The following IER3IP1 variants were observed in gnomAD, a reference collection of about 807,000 sequenced individuals.
The protein encoded by IER3IP1 is immediate early response 3 interacting protein 1.
Under a neutral mutation model 12.2 loss-of-function variants are expected in IER3IP1, and 16 were observed. That is an observed-to-expected ratio of 1.31 (90% CI 0.89 to 1.99). IER3IP1 has a LOEUF of 1.99. Among genes scored for constraint, IER3IP1 ranks in the 30% most tolerant of loss-of-function variants. The pLI, the probability that IER3IP1 is intolerant of heterozygous loss-of-function variation, is 0.00. For synonymous variants in IER3IP1, 42 were observed against 40.0 expected (o/e 1.05, Z -0.19); for missense variants, 95 against 95.8 (o/e 0.99, Z 0.03).
intron 1 of IER3IP1, among the ~76,000 whole-genome samples, chr18:47,164,237 A>C (rs1470044211): frequency 6.6e-6 from 1 of 152,146 alleles, no homozygotes; most frequent in Non-Finnish European, 1.5e-5. Flanking sequence ...ATAGTAAGTT[A>C]GTTAATTGCA....
intron 1 of IER3IP1, among the ~76,000 whole-genome samples, chr18:47,171,879 G>A (rs2064016649): frequency 6.6e-6 from 1 of 151,914 alleles, no homozygotes; most frequent in South Asian, 2.1e-4. Context: ...TCCAACCTCC[G>A]CTTCCTGGGT....
intron 1 of IER3IP1, among the ~76,000 whole-genome samples, chr18:47,169,513 T>C (rs982656537): frequency 3.5e-4 from 54 of 152,292 alleles, no homozygotes; most frequent in East Asian, 1.7e-3. Flanking sequence ...TGAACCATTT[T>C]ACATTCTCTT....
chr18:47,155,150 A>G lies in IER3IP1; in HGVS notation c.*1027T>C, dbSNP rs966398173. On this transcript the variant is annotated 3_prime_UTR_variant, in exon 3 of 3. Coordinates refer to ENST00000256433, the MANE Select transcript of IER3IP1 (RefSeq NM_016097.5). ...TAATTTCCATAAAAACCATTTACAT[A>G]GTTTCAACCTTTCTGCATAAAACTG... 4 of 152,246 alleles carry G rather than the reference A, an allele frequency of 2.6e-5. No individual in the cohort carries two copies. The highest frequency in any genetic ancestry group is 2.1e-4 in the South Asian group (1 of 4,838). 9.4% of individuals were successfully genotyped at this position (152,246 alleles called of 1,614,324 possible).
At chr18:47,160,931 C>T (rs1200927592) in intron 1 of IER3IP1, among the ~76,000 whole-genome samples, 1 of 152,140 alleles carries the variant, frequency 6.6e-6, no homozygotes, top group African/African-American at 2.4e-5. Flanking sequence ...TGTTATTCTC[C>T]TATGATACTA....
chr18:47,173,196 C>G (rs2064020600), intron 1 of IER3IP1, among the ~76,000 whole-genome samples: 1 of 152,174 alleles, frequency 6.6e-6, no homozygotes, highest in Non-Finnish European at 1.5e-5. Flanking sequence ...CACCTTCTTA[C>G]CTAGCACCAT....
intron 1 of IER3IP1, among the ~76,000 whole-genome samples, chr18:47,161,356 C>T (rs143801381): frequency 2.7e-3 from 416 of 152,310 alleles, no homozygotes; most frequent in South Asian, 0.012. Flanking sequence ...CTGCTTATAG[C>T]GCTTCCAGTC....
chr18:47,174,053 C>T (rs1193376064), intron 1 of IER3IP1, among the ~76,000 whole-genome samples: 1 of 152,196 alleles, frequency 6.6e-6, no homozygotes, highest in Non-Finnish European at 1.5e-5. Context: ...AACAAGGTCA[C>T]CTTCATAGGT....
Position 47,154,800 on chromosome 18 carries a change from T to TG in IER3IP1, c.*1376dup, listed in dbSNP as rs575630048. The TG allele has an allele frequency of 2.3e-4, 35 of 152,320 alleles. No homozygotes were observed. The highest frequency in any genetic ancestry group is 7.9e-4 in the African/African-American group (33 of 41,576). 9.4% of individuals were successfully genotyped at this position (152,320 alleles called of 1,614,324 possible). On this transcript the variant is annotated 3_prime_UTR_variant, in exon 3 of 3. Transcript: ENST00000256433. Reference sequence around the variant, plus strand: ...GAAAGGCCAAAAGGTACTTAATACCTGCTCCATAGTTTTAGAAGTAACTGA... The same window carrying TG: ...GAAAGGCCAAAAGGTACTTAATACCTGGCTCCATAGTTTTAGAAGTAACTGA...
At position 47,154,284 on chromosome 18, in the gene IER3IP1, C is replaced by G. The variant is rs1392387596; in HGVS notation, c.*1893G>C. On this transcript the variant is annotated 3_prime_UTR_variant, in exon 3 of 3. Transcript: ENST00000256433. ...GGCTGACCAGTGAAAGCTTACAGAC[C>G]CCTCTTCAGCCACAAACTGGAATTA... 1 of 152,138 alleles carries G rather than the reference C, an allele frequency of 6.6e-6. No individual in the cohort carries two copies. Among genetic ancestry groups the G allele is most frequent in the African/African-American group, 2.4e-5 (1 of 41,414 alleles). The allele number at this position is 152,138 out of a possible 1,614,324, so 9.4% of individuals were successfully genotyped here. A position where few individuals can be genotyped will look rare whatever the true frequency, so the allele number is the denominator to read the frequency against.
intron 1 of IER3IP1, among the ~76,000 whole-genome samples, chr18:47,164,793 A>C (rs1383964118): frequency 4.0e-5 from 6 of 148,824 alleles, no homozygotes; most frequent in African/African-American, 7.5e-5. Flanking sequence ...AAAAAAAACA[A>C]GAGAGAGAGA....
intron 2 of IER3IP1, chr18:47,156,815 CAG>C (rs2063961646): frequency 1.2e-5 from 1 of 84,036 alleles, no homozygotes; most frequent in Non-Finnish European, 2.2e-5. Context: ...TTTTTTGAGA[CAG>C]AGTTTTGCTC....
chr18:47,157,315 C>A, intron 2 of IER3IP1, 121 bp downstream of exon 2: 5 of 762,710 alleles, frequency 6.6e-6, no homozygotes, highest in South Asian at 3.3e-5. Flanking sequence ...GCAGCAAAGC[C>A]ATGTTAAAGA....
chr18:47,157,724 CCCT>C (rs2063966117), intron 1 of IER3IP1, among the ~76,000 whole-genome samples, 187 bp from the exon 2 acceptor site: 1 of 152,178 alleles, frequency 6.6e-6, no homozygotes, highest in African/African-American at 2.4e-5. Flanking sequence ...AGCAGCAACA[CCCT>C]CATTTCACTA....
rs2064018803 is a variant in IER3IP1 at position 47,172,535 on chromosome 18, A to AT, written c.91+3651dup. Among the ~76,000 whole-genome samples, 1 of 152,122 alleles carries AT rather than the reference A, an allele frequency of 6.6e-6. No homozygotes were observed. Among genetic ancestry groups the AT allele is most frequent in the Non-Finnish European group, 1.5e-5 (1 of 68,040 alleles). ...GAAACAGAAGATAGTACCCAACCGTATATGTAGTGTATTTTTTTCAATCTG... is the reference window on the plus strand; with the variant it reads ...GAAACAGAAGATAGTACCCAACCGTATTATGTAGTGTATTTTTTTCAATCTG... On this transcript the variant is annotated intron_variant, in intron 1 of 2. Coordinates refer to ENST00000256433, the MANE Select transcript of IER3IP1 (RefSeq NM_016097.5). This position sits in a 1 kb window ranked among gnomAD's most constrained non-coding sequence, Gnocchi z 4.0.
At chr18:47,169,717 A>G (rs1277050514) in intron 1 of IER3IP1, among the ~76,000 whole-genome samples, 1 of 152,094 alleles carries the variant, frequency 6.6e-6, no homozygotes, top group Non-Finnish European at 1.5e-5. Flanking sequence ...TTGACCATCT[A>G]TTCATGTGCT....
At chr18:47,171,800 T>C (rs994984732) in intron 1 of IER3IP1, among the ~76,000 whole-genome samples, 1 of 152,094 alleles carries the variant, frequency 6.6e-6, no homozygotes, top group African/African-American at 2.4e-5. Flanking sequence ...TCTTTTTTGG[T>C]CTTTTTTTTT....
rs1486797180 is a variant in IER3IP1 at position 47,173,378 on chromosome 18, GCT to G, written c.91+2807_91+2808del. ...TTTTCTTCCTTCGAGACATAGTCTT[GCT>G]CTGTCACCCAGGTTGGAGTGCAGTG... On this transcript the variant is annotated intron_variant, in intron 1 of 2. Transcript: ENST00000256433. Among the ~76,000 whole-genome samples, 19 of 152,004 alleles carry G rather than the reference GCT, an allele frequency of 1.2e-4. No homozygotes were observed. In the East Asian group the frequency reaches 3.7e-3, roughly 29 times the overall value.
intron 1 of IER3IP1, among the ~76,000 whole-genome samples, chr18:47,162,993 A>C (rs1290914167): frequency 1.3e-5 from 2 of 152,132 alleles, no homozygotes; most frequent in Non-Finnish European, 2.9e-5. Context: ...AGAGTTTGAG[A>C]AGTATGTGTA....
In IER3IP1 at chr18:47,153,207, G is replaced by C. The variant is rs539850250; in HGVS notation, c.*2970C>G. On this transcript the variant is annotated 3_prime_UTR_variant, in exon 3 of 3. Coordinates refer to ENST00000256433, the MANE Select transcript of IER3IP1 (RefSeq NM_016097.5). Reference sequence around the variant, plus strand: ...AGGATTTTGATGGGGAGAGGAAGGTGGGGGAACTCATTTAGCTTTTTATTT... The same window carrying C: ...AGGATTTTGATGGGGAGAGGAAGGTCGGGGAACTCATTTAGCTTTTTATTT... The C allele has an allele frequency of 6.6e-6, 1 of 152,176 alleles. No individual in the cohort carries two copies. Among genetic ancestry groups the C allele is most frequent in the East Asian group, 1.9e-4 (1 of 5,196 alleles). The allele number at this position is 152,176 out of a possible 1,614,324, so 9.4% of individuals were successfully genotyped here.
Sources: allele counts gnomAD v4.1 joint callset (sites outside exome capture counted in the v4.1 genomes callset), GRCh38; gene constraint gnomAD v4.1.1; non-coding constraint Gnocchi (gnomAD v3.1); transcripts MANE v1.5; gene names NCBI Gene and HGNC (gene_info 2026-07-23, HGNC 2026-07-21).